Variants in PHTF1 observed in about 807,000 individuals in gnomAD.
PHTF1 encodes protein PHTF1.
In PHTF1, 88 loss-of-function variants were observed where a neutral mutation model predicts 102.4. The observed-to-expected ratio is 0.86, with a 90% confidence interval of 0.72 to 1.03. PHTF1 has a LOEUF of 1.03. Among genes scored for constraint, PHTF1 ranks in the 50% least tolerant of loss-of-function variants. PHTF1 has a pLI of 0.00. For missense variants in PHTF1, 814 were observed against 909.5 expected, an observed-to-expected ratio of 0.89 and a Z score of 1.35; for synonymous variants, 289 against 305.2, an observed-to-expected ratio of 0.95 and a Z score of 0.55.
intron 17 of PHTF1, 125 bp from the exon 18 acceptor site, chr1:113,698,512 G>T: frequency 1.3e-6 from 1 of 779,712 alleles, no homozygotes; most frequent in East Asian, 2.9e-5. Context: ...AATATTCAAA[G>T]AGCTACCTTC....
At chr1:113,741,012 C>G (rs1656266026) in intron 3 of PHTF1, among the ~76,000 whole-genome samples, 1 of 152,146 alleles carries the variant, frequency 6.6e-6, no homozygotes, top group African/African-American at 2.4e-5. Flanking sequence ...ATCTGGGTGA[C>G]AGAGCAAGAC....
intron 3 of PHTF1, among the ~76,000 whole-genome samples, chr1:113,747,257 CTAT>C (rs1657390208): frequency 6.6e-6 from 1 of 152,124 alleles, no homozygotes; most frequent in Non-Finnish European, 1.5e-5. Context: ...AAGTAGTGAA[CTAT>C]TATATTTTCC....
At chr1:113,731,342 G>A (rs1391848765) in intron 5 of PHTF1, among the ~76,000 whole-genome samples, 6 of 151,964 alleles carry the variant, frequency 3.9e-5, no homozygotes, top group East Asian at 3.9e-4. Context: ...AGACCAGCCT[G>A]GGCAATATAG....
chr1:113,711,648 T>G, intron 10 of PHTF1, 98 bp downstream of exon 10: 1 of 844,764 alleles, frequency 1.2e-6, no homozygotes, highest in African/African-American at 1.7e-5. Context: ...CTGGCAAATA[T>G]TAATGTAAAT....
rs1557917521 is a variant in PHTF1, at chr1:113,712,086, C to A, written c.811G>T (p.Val271Leu). 1 of 1,613,992 alleles carries A rather than the reference C, an allele frequency of 6.2e-7. No individual in the cohort carries two copies. Among genetic ancestry groups the A allele is most frequent in the South Asian group, 1.1e-5 (1 of 91,074 alleles). ...REAFRRLGNG[V>L]SDDLSSEEDG... ...TCTTCACTTGACAGGTCATCAGACACCCCATTACCCAAACGCCTAAAAGCC... is the reference window on the plus strand; with the variant it reads ...TCTTCACTTGACAGGTCATCAGACAACCCATTACCCAAACGCCTAAAAGCC... The change falls in exon 9 of 19, where the codon GTG becomes TTG. Residue 271 changes from valine (V) to leucine (L), a missense_variant. Val to Leu is a conservative substitution (Grantham distance 32). Coordinates refer to ENST00000369604, the MANE Select transcript of PHTF1 (RefSeq NM_001323043.2).
intron 17 of PHTF1, 126 bp from the exon 18 acceptor site, chr1:113,698,513 A>G: frequency 1.3e-6 from 1 of 774,476 alleles, no homozygotes; most frequent in Non-Finnish European, 2.1e-6. Context: ...ATATTCAAAG[A>G]GCTACCTTCA....
At chr1:113,751,162 CA>C (rs1343940388) in intron 3 of PHTF1, among the ~76,000 whole-genome samples, 3 of 152,188 alleles carry the variant, frequency 2.0e-5, no homozygotes, top group Non-Finnish European at 4.4e-5. Context: ...TATACATTTA[CA>C]TTTTTGGTGT....
In PHTF1 at chr1:113,710,371, G is replaced by A. The variant is rs149262663; in HGVS notation, c.1152C>T (p.Asp384=). Residue 384 remains aspartate, a synonymous_variant, in exon 11 of 19, where the codon GAC becomes GAT. Transcript: ENST00000369604. ...GGCACTCTGGGCCATGTAGCAGGTC[G>A]TCCCATAACATGTCCTCAGTCTCCG... ...HDSETEDMLW[D]DLLHGPECRS... is the part of the protein sequence containing the mutation. 2.1e-3 allele frequency: 3,465 copies of A among 1,614,038 alleles called. 91 individuals carry two copies. The South Asian group carries it at 0.035, about 16-fold the overall frequency.
chr1:113,757,323 G>A (rs1321257341), intron 3 of PHTF1, among the ~76,000 whole-genome samples: 1 of 152,120 alleles, frequency 6.6e-6, no homozygotes, highest in African/African-American at 2.4e-5. Flanking sequence ...TTAAAAATCC[G>A]ACACAAAATG....
At chr1:113,734,745 A>G (rs1267286749) in intron 5 of PHTF1, among the ~76,000 whole-genome samples, 2 of 152,228 alleles carry the variant, frequency 1.3e-5, no homozygotes, top group East Asian at 3.9e-4. Flanking sequence ...AGAGGTCCCC[A>G]GTCACATATA....
chr1:113,739,091 G>C (rs1241734895), intron 3 of PHTF1, among the ~76,000 whole-genome samples: 1 of 152,100 alleles, frequency 6.6e-6, no homozygotes, highest in Admixed American at 6.6e-5. Flanking sequence ...GACCTCAGGT[G>C]ATCTACCCAC....
At chr1:113,710,567 G>T in intron 10 of PHTF1, 92 bp from the exon 11 acceptor site, 1 of 874,602 alleles carries the variant, frequency 1.1e-6, no homozygotes, top group South Asian at 1.6e-5. Context: ...TACAGCAATG[G>T]CTTGAAAGCC....
At chr1:113,731,444 CAGG>C (rs1210713652) in intron 5 of PHTF1, among the ~76,000 whole-genome samples, 5 of 152,052 alleles carry the variant, frequency 3.3e-5, no homozygotes, top group African/African-American at 4.8e-5. Flanking sequence ...CAGGCTGAGG[CAGG>C]AGGATTGCCT....
intron 3 of PHTF1, among the ~76,000 whole-genome samples, chr1:113,753,520 C>T (rs1034865617): frequency 2.0e-5 from 3 of 152,052 alleles, no homozygotes; most frequent in Non-Finnish European, 2.9e-5. Context: ...CTCTGCCTCC[C>T]ACACTCAAAC....
At chr1:113,713,221 T>C (rs1651421383) in intron 8 of PHTF1, 58 bp downstream of exon 8, 2 of 1,466,404 alleles carry the variant, frequency 1.4e-6, no homozygotes, top group Non-Finnish European at 1.9e-6. Context: ...AACAGAATCT[T>C]AATAGGAAAA....
chr1:113,720,871 T>C (rs1349982441), intron 7 of PHTF1, among the ~76,000 whole-genome samples: 1 of 152,248 alleles, frequency 6.6e-6, no homozygotes, highest in Non-Finnish European at 1.5e-5. Flanking sequence ...AGCATTTCCA[T>C]ACAACCTGTG....
intron 7 of PHTF1, among the ~76,000 whole-genome samples, chr1:113,724,114 A>G (rs1653446795): frequency 2.6e-5 from 4 of 152,218 alleles, no homozygotes; most frequent in Admixed American, 2.6e-4. Flanking sequence ...AAGACAGACG[A>G]TAACAAATGC....
chr1:113,725,015 A>G lies in PHTF1; in HGVS notation c.489-122T>C, dbSNP rs563522635. ...CTTAAATCAAGTATAGTTTAACTTCATATTCTGCGGATAAACTATGCAAGA... is the reference window on the plus strand; with the variant it reads ...CTTAAATCAAGTATAGTTTAACTTCGTATTCTGCGGATAAACTATGCAAGA... On this transcript the variant is annotated intron_variant, in intron 6 of 18. Transcript: ENST00000369604. 2.4e-4 allele frequency: 172 copies of G among 702,690 alleles called. 2 individuals carry two copies. The South Asian group carries it at 3.9e-3, about 16-fold the overall frequency. 43.5% of individuals were successfully genotyped at this position (702,690 alleles called of 1,614,324 possible).
chr1:113,703,834 T>C, intron 15 of PHTF1: 2 of 443,294 alleles, frequency 4.5e-6, no homozygotes, highest in Non-Finnish European at 4.0e-6. Context: ...TTTGCAACCA[T>C]ATGATAGTTT....
Sources: gnomAD v4.1 joint callset for allele counts (sites outside exome capture counted in the v4.1 genomes callset) on GRCh38, gnomAD v4.1.1 for gene constraint, MANE v1.5 for transcripts, NCBI Gene and HGNC (gene_info 2026-07-23, HGNC 2026-07-21) for gene names.